Variants in PPARGC1A observed in about 807,000 individuals in gnomAD.
PPARGC1A encodes PPARG coactivator 1 alpha.
A neutral mutation model predicts 88.7 loss-of-function variants in PPARGC1A; 25 were observed. The ratio of observed to expected loss-of-function variants is 0.28; its 90% CI spans 0.21 to 0.39. The LOEUF (loss-of-function observed/expected upper bound fraction) is 0.39, where lower values mean the gene tolerates loss of function less well. Ranked by LOEUF, PPARGC1A falls within the 10% of genes least tolerant of loss-of-function variation. PPARGC1A has a pLI of 1.00. For missense variants in PPARGC1A, 880 were observed against 968.7 expected, an observed-to-expected ratio of 0.91 and a Z score of 1.22; for synonymous variants, 363 against 355.6, an observed-to-expected ratio of 1.02 and a Z score of -0.24.
chr4:24,279,287 C>G, the PPARGC1A span, among the ~76,000 whole-genome samples: 2 of 152,110 alleles, frequency 1.3e-5, no homozygotes, highest in African/African-American at 4.8e-5. Context: ...CTTGAGTTGA[C>G]TAAATGCTGG....
At chr4:24,036,385 C>T in the PPARGC1A span, among the ~76,000 whole-genome samples, 21 of 152,204 alleles carry the variant, frequency 1.4e-4, no homozygotes, top group African/African-American at 5.1e-4. Context: ...AAATTGCACT[C>T]CTGGGTTTAT....
chr4:24,409,419 T>C, the PPARGC1A span, among the ~76,000 whole-genome samples: 2 of 152,248 alleles, frequency 1.3e-5, no homozygotes, highest in African/African-American at 2.4e-5. Flanking sequence ...TGGGTTTCAC[T>C]GCTTTATGTG....
At chr4:24,355,665 T>A in the PPARGC1A span, among the ~76,000 whole-genome samples, 1 of 152,056 alleles carries the variant, frequency 6.6e-6, no homozygotes, top group Admixed American at 6.6e-5. Flanking sequence ...GAAATGACCA[T>A]GTTAATGTAG....
the PPARGC1A span, among the ~76,000 whole-genome samples, chr4:24,415,733 G>A: frequency 1.3e-4 from 20 of 152,288 alleles, no homozygotes; most frequent in East Asian, 7.7e-4. Flanking sequence ...CATATTCAGA[G>A]ATGTTCGTCG....
the PPARGC1A span, among the ~76,000 whole-genome samples, chr4:24,191,749 AC>A: frequency 6.6e-6 from 1 of 152,364 alleles, no homozygotes; most frequent in East Asian, 1.9e-4. Flanking sequence ...GTGGGTGGCC[AC>A]AGCTGGCACA....
the PPARGC1A span, among the ~76,000 whole-genome samples, chr4:24,471,154 C>A: frequency 6.6e-6 from 1 of 151,850 alleles, no homozygotes; most frequent in Non-Finnish European, 1.5e-5. This position sits in a 1 kb window ranked among gnomAD's most constrained non-coding sequence, Gnocchi z 5.4. Flanking sequence ...CTCGACACCC[C>A]CCACCCCTAG....
the PPARGC1A span, among the ~76,000 whole-genome samples, chr4:24,122,415 G>GTGTGTA: frequency 8.7e-6 from 1 of 114,410 alleles, no homozygotes; most frequent in Non-Finnish European, 1.9e-5. Context: ...GTGTGTGTGT[G>GTGTGTA]CATATATATA....
chr4:23,930,415 C>A, the PPARGC1A span, among the ~76,000 whole-genome samples: 1 of 152,188 alleles, frequency 6.6e-6, no homozygotes, highest in Non-Finnish European at 1.5e-5. Flanking sequence ...CATTTAGGTA[C>A]AACGCTGAAG....
the PPARGC1A span, among the ~76,000 whole-genome samples, chr4:24,263,369 A>C: frequency 1.2e-4 from 18 of 152,140 alleles, no homozygotes; most frequent in Non-Finnish European, 2.4e-4. Flanking sequence ...ATTTCACATC[A>C]ATAAATATTC....
chr4:24,295,557 C>A, the PPARGC1A span, among the ~76,000 whole-genome samples: 3 of 151,776 alleles, frequency 2.0e-5, no homozygotes, highest in Non-Finnish European at 2.9e-5. Context: ...AAAGGCTAAT[C>A]TTTATTAGCA....
chr4:24,180,821 A>C, the PPARGC1A span, among the ~76,000 whole-genome samples: 3 of 152,162 alleles, frequency 2.0e-5, no homozygotes, highest in African/African-American at 7.2e-5. Flanking sequence ...CTAGAATATA[A>C]ATGTGCAAAG....
the PPARGC1A span, among the ~76,000 whole-genome samples, chr4:24,413,826 G>A: frequency 6.6e-6 from 1 of 152,276 alleles, no homozygotes; most frequent in East Asian, 1.9e-4. Flanking sequence ...TCTTATAAAT[G>A]ATAATGAGAG....
chr4:23,828,752 C>T (rs1040767280), intron 4 of PPARGC1A, 148 bp from the exon 5 acceptor site: 1 of 683,340 alleles, frequency 1.5e-6, no homozygotes, highest in Non-Finnish European at 2.5e-6. Flanking sequence ...GTTTGCAGAA[C>T]AAGGAAAGAA....
the PPARGC1A span, among the ~76,000 whole-genome samples, chr4:24,045,329 A>C: frequency 6.6e-6 from 1 of 152,224 alleles, no homozygotes; most frequent in Non-Finnish European, 1.5e-5. Flanking sequence ...TATCTCTGCC[A>C]GAACACTTCT....
chr4:23,998,411 T>C, the PPARGC1A span, among the ~76,000 whole-genome samples: 1 of 152,186 alleles, frequency 6.6e-6, no homozygotes, highest in Non-Finnish European at 1.5e-5. Flanking sequence ...GTATGTATCA[T>C]ATAACGGCAA....
the PPARGC1A span, among the ~76,000 whole-genome samples, chr4:24,195,010 T>C: frequency 1.3e-5 from 2 of 152,344 alleles, no homozygotes; most frequent in Non-Finnish European, 2.9e-5. Context: ...GGTCATACTG[T>C]ACAATCACAG....
At chr4:24,361,696 G>A in the PPARGC1A span, among the ~76,000 whole-genome samples, 2,586 of 152,280 alleles carry the variant, frequency 0.017, 69 homozygotes, top group East Asian at 0.12. Context: ...AAGATATCCA[G>A]GTGAAGACCA....
chr4:23,816,277 G>A (rs897692376), intron 7 of PPARGC1A, among the ~76,000 whole-genome samples: 1 of 152,144 alleles, frequency 6.6e-6, no homozygotes, highest in African/African-American at 2.4e-5. Context: ...CTCTTGGATG[G>A]CTCTTTGCCC....
At chr4:24,413,157 C>T in the PPARGC1A span, among the ~76,000 whole-genome samples, 1 of 151,972 alleles carries the variant, frequency 6.6e-6, no homozygotes, top group South Asian at 2.1e-4. Flanking sequence ...ATTTTGACTC[C>T]GCCAACAGTA....
Sources: allele counts gnomAD v4.1 joint callset (sites outside exome capture counted in the v4.1 genomes callset), GRCh38; gene constraint gnomAD v4.1.1; non-coding constraint Gnocchi (gnomAD v3.1); transcripts MANE v1.5; gene names NCBI Gene and HGNC (gene_info 2026-07-23, HGNC 2026-07-21).